The following VPS13B variants were observed in gnomAD, a reference collection of about 807,000 sequenced individuals.
The protein encoded by VPS13B is vacuolar protein sorting 13 homolog B.
VPS13B carries 285 observed loss-of-function variants against 426.4 expected under a neutral mutation model. The ratio of observed to expected loss-of-function variants is 0.67; its 90% confidence interval spans 0.61 to 0.74. The LOEUF (loss-of-function observed/expected upper bound fraction) is 0.74, where lower values mean the gene tolerates loss of function less well. Among genes scored for constraint, VPS13B ranks in the 30% least tolerant of loss-of-function variants. The pLI, the probability that VPS13B is intolerant of heterozygous loss-of-function variation, is 0.00. For synonymous variants in VPS13B, 1,676 were observed against 1,676.4 expected, an observed-to-expected ratio of 1.00 and a Z score of 0.01; for missense variants, 4,537 against 4,782.6, an observed-to-expected ratio of 0.95 and a Z score of 1.51.
intron 49 of VPS13B, among the ~76,000 whole-genome samples, chr8:99,820,688 CA>C (rs1486614048): frequency 1.3e-5 from 2 of 152,058 alleles, no homozygotes; most frequent in Non-Finnish European, 2.9e-5. Flanking sequence ...ATTTCTGTCA[CA>C]AAACCTTCTT....
At chr8:99,493,251 A>C (rs936420659) in intron 25 of VPS13B, among the ~76,000 whole-genome samples, 2 of 152,048 alleles carry the variant, frequency 1.3e-5, no homozygotes, top group African/African-American at 2.4e-5. Flanking sequence ...TTTTTCTTAT[A>C]ATAGCCTTGT....
At chr8:99,230,667 GA>G (rs1259403725) in intron 17 of VPS13B, among the ~76,000 whole-genome samples, 1 of 152,172 alleles carries the variant, frequency 6.6e-6, no homozygotes, top group African/African-American at 2.4e-5. Context: ...GTAGAACGGG[GA>G]ACACCGGTAG....
intron 6 of VPS13B, among the ~76,000 whole-genome samples, chr8:99,112,738 A>G (rs965537221): frequency 6.6e-6 from 1 of 152,222 alleles, no homozygotes; most frequent in Non-Finnish European, 1.5e-5. Context: ...GAAGCTTACT[A>G]TATAAAATAC....
intron 12 of VPS13B, among the ~76,000 whole-genome samples, chr8:99,142,404 A>G (rs1810477219): frequency 6.6e-6 from 1 of 152,200 alleles, no homozygotes. Context: ...TATCTTATTT[A>G]GAAAACAGTG....
intron 58 of VPS13B, among the ~76,000 whole-genome samples, chr8:99,867,856 G>A (rs1817184927): frequency 6.6e-6 from 1 of 152,122 alleles, no homozygotes; most frequent in Admixed American, 6.5e-5. Context: ...CAAAAGTGGA[G>A]AGTTAGAAAG....
At chr8:99,086,424 G>A (rs1390124121) in intron 3 of VPS13B, among the ~76,000 whole-genome samples, 1 of 152,082 alleles carries the variant, frequency 6.6e-6, no homozygotes, top group Non-Finnish European at 1.5e-5. Context: ...TTAGCTCAGA[G>A]TAGTTTGATC....
intron 3 of VPS13B, among the ~76,000 whole-genome samples, chr8:99,082,801 G>A (rs1306414533): frequency 3.3e-5 from 5 of 152,100 alleles, no homozygotes; most frequent in Non-Finnish European, 7.4e-5. Flanking sequence ...TGAGGGCTCT[G>A]TTCTGTTCCA....
At chr8:99,129,182 C>A (rs1168022121) in intron 8 of VPS13B, among the ~76,000 whole-genome samples, 1 of 151,534 alleles carries the variant, frequency 6.6e-6, no homozygotes, top group Non-Finnish European at 1.5e-5. Flanking sequence ...ATTCTCAGTT[C>A]TACTGAAAAA....
chr8:99,149,025 G>GC (rs1439626797), intron 14 of VPS13B, among the ~76,000 whole-genome samples: 3 of 152,224 alleles, frequency 2.0e-5, no homozygotes, highest in African/African-American at 7.2e-5. Context: ...ATGATCCTTT[G>GC]TTTTTAGAGG....
intron 6 of VPS13B, among the ~76,000 whole-genome samples, chr8:99,112,987 T>C (rs10091639): frequency 0.77 from 116,745 of 151,962 alleles, 45,375 homozygotes; most frequent in South Asian, 0.87. Flanking sequence ...TTGGAGGTTT[T>C]ATTTCTTTCT....
At chr8:99,438,849 C>T (rs1817537180) in intron 22 of VPS13B, among the ~76,000 whole-genome samples, 1 of 152,120 alleles carries the variant, frequency 6.6e-6, no homozygotes, top group Admixed American at 6.6e-5. Context: ...CCGTAAGCAA[C>T]AGCATTTGAA....
chr8:99,873,750 A>AGAG (rs373108675), intron 61 of VPS13B, among the ~76,000 whole-genome samples: 2,145 of 152,266 alleles, frequency 0.014, 26 homozygotes, highest in Non-Finnish European at 0.024. Context: ...GCTGTAATCT[A>AGAG]GAGTATTTTC....
Position 99,721,018 on chromosome 8 carries a change from A to G in VPS13B, c.7021A>G (p.Ser2341Gly). ...PFNTTEDPDISTADLGDVLQV... is the reference protein window; with the variant it reads ...PFNTTEDPDIGTADLGDVLQV... ...TAACACCACAGAGGATCCAGATATTAGCACAGCAGACCTTGGTGATGTGCT... is the reference window on the plus strand; with the variant it reads ...TAACACCACAGAGGATCCAGATATTGGCACAGCAGACCTTGGTGATGTGCT... The change falls in exon 39 of 62, where the codon AGC becomes GGC. Residue 2341 changes from serine (S) to glycine (G), a missense_variant. Physicochemically the swap from Ser to Gly is moderately conservative, Grantham distance 56. Transcript: ENST00000357162. The G allele has an allele frequency of 1.9e-6, 3 of 1,614,050 alleles. No homozygotes were observed. Among genetic ancestry groups the G allele is most frequent in the Non-Finnish European group, 2.5e-6 (3 of 1,179,942 alleles).
intron 19 of VPS13B, among the ~76,000 whole-genome samples, chr8:99,299,683 G>A (rs559509727): frequency 8.4e-4 from 127 of 151,768 alleles, no homozygotes; most frequent in Non-Finnish European, 1.4e-3. Context: ...AGTCTGAGGC[G>A]GGCAGATCAT....
intron 19 of VPS13B, among the ~76,000 whole-genome samples, chr8:99,383,059 G>C (rs1330750632): frequency 6.6e-6 from 1 of 152,150 alleles, no homozygotes; most frequent in South Asian, 2.1e-4. Context: ...TACAATTACA[G>C]AAACTTATTT....
At chr8:99,331,104 A>T (rs1265639974) in intron 19 of VPS13B, among the ~76,000 whole-genome samples, 1 of 151,862 alleles carries the variant, frequency 6.6e-6, no homozygotes, top group Non-Finnish European at 1.5e-5. Flanking sequence ...TTTCGGAATA[A>T]GGATGCATGG....
At chr8:99,714,320 G>A (rs1788146) in intron 36 of VPS13B, among the ~76,000 whole-genome samples, 1 of 151,918 alleles carries the variant, frequency 6.6e-6, no homozygotes, top group African/African-American at 2.4e-5. Context: ...AATTGAATTA[G>A]TATATGGGGT....
intron 14 of VPS13B, among the ~76,000 whole-genome samples, chr8:99,153,649 G>A (rs1363819239): frequency 6.6e-6 from 1 of 151,988 alleles, no homozygotes; most frequent in East Asian, 1.9e-4. Context: ...TTTTATATAA[G>A]CATTCATAAG....
At chr8:99,791,047 T>C (rs1812514319) in intron 43 of VPS13B, among the ~76,000 whole-genome samples, 1 of 152,046 alleles carries the variant, frequency 6.6e-6, no homozygotes, top group African/African-American at 2.4e-5. Flanking sequence ...AGAAGCTAAG[T>C]TTGAACAGTA....
Sources: allele counts gnomAD v4.1 joint callset (sites outside exome capture counted in the v4.1 genomes callset), GRCh38; gene constraint gnomAD v4.1.1; transcripts MANE v1.5; gene names NCBI Gene and HGNC (gene_info 2026-07-23, HGNC 2026-07-21).